Variants in ZNF676 observed in about 807,000 individuals in gnomAD.
The protein encoded by ZNF676 is zinc finger protein 676.
A neutral mutation model predicts 6.0 loss-of-function variants in ZNF676; 4 were observed. The ratio of observed to expected loss-of-function variants is 0.67; its 90% CI spans 0.33 to 1.53. The LOEUF is 1.53. Among genes scored for constraint, ZNF676 ranks in the 40% most tolerant of loss-of-function variants. ZNF676 has a pLI of 0.06. For missense variants in ZNF676, 644 were observed against 679.7 expected (o/e 0.95, Z 0.58); for synonymous variants, 198 against 223.1 (o/e 0.89, Z 1.00).
At chr19:22,233,397 A>G in the ZNF676 span, among the ~76,000 whole-genome samples, 1 of 152,078 alleles carries the variant, frequency 6.6e-6, no homozygotes. Context: ...ATACATTGTA[A>G]TCTTTGATTG....
At position 22,181,247 on chromosome 19, in the gene ZNF676, G is replaced by A. The variant is rs370343274; in HGVS notation, c.470C>T (p.Ser157Phe). 114 of 1,613,664 alleles carry A rather than the reference G, an allele frequency of 7.1e-5. No homozygotes were observed. The highest frequency in any genetic ancestry group is 8.3e-5 in the Non-Finnish European group (98 of 1,179,860). The change falls in exon 3 of 3, where the codon TCT (serine) becomes TTT (phenylalanine). Residue 157 changes from serine (S) to phenylalanine (F), a missense_variant. Transcript: ENST00000397121. ...TCTAGTATAAATTCTTTCATGTTGA[G>A]ATAGGTGTGAAAGCATGCAAAATGA... ...VRSFCMLSHLSQHERIYTREN... is the reference protein window; with the variant it reads ...VRSFCMLSHLFQHERIYTREN...
upstream of ZNF676, among the ~76,000 whole-genome samples, chr19:22,218,000 G>A (rs281194): frequency 0.38 from 57,699 of 151,932 alleles, 11,199 homozygotes; most frequent in African/African-American, 0.42. Context: ...CACCATGCCC[G>A]GCCAATGATG....
Position 22,180,636 on chromosome 19 carries a change from C to G in ZNF676, c.1081G>C (p.Gly361Arg), listed in dbSNP as rs751448887. 4 of 1,612,686 alleles carry G rather than the reference C, an allele frequency of 2.5e-6. No homozygotes were observed. In the South Asian group the frequency reaches 4.4e-5, roughly 18 times the overall value. Residue 361 changes from glycine to arginine, a missense_variant, in exon 3 of 3, where the codon GGA (glycine) becomes CGA (arginine). Gly to Arg is a moderately radical substitution (Grantham distance 125, BLOSUM62 -2). This residue lies in a region of ZNF676 where 306 missense variants were observed against 265.4 expected (regional missense o/e 1.15). Transcript: ENST00000397121. ...ILTKHKIIHTGEKPYKCEGCG... is the reference protein window; with the variant it reads ...ILTKHKIIHTREKPYKCEGCG... ...CCTTCACATTTGTAGGGTTTCTCTC[C>G]AGTATGAATAATCTTATGTTTAGTA... is the stretch of plus-strand genomic sequence containing the variant.
intron 2 of ZNF676, among the ~76,000 whole-genome samples, chr19:22,190,630 CAT>C (rs74174059): frequency 0.18 from 11,862 of 66,664 alleles, 859 homozygotes; most frequent in Non-Finnish European, 0.25. Flanking sequence ...TAGAATGCAA[CAT>C]ATATATATAT....
rs1234037205 is a variant in ZNF676, at chr19:22,181,571, A to G, written c.146T>C (p.Phe49Ser). Residue 49 changes from phenylalanine to serine, a missense_variant, in exon 3 of 3, where the codon TTT becomes TCT. Around this residue, in one of 5 missense-constraint regions of ZNF676, gnomAD observed 280 missense variants for 269.3 expected, o/e 1.04. Transcript: ENST00000397121. ...VEEPPVICSH[F>S]SQEFWPEQGI... Reference sequence around the variant, plus strand: ...TTGCTCTGGCCAAAACTCTTGGGAAAAATGAGAACATATAACTGAAAAGAA... The same window carrying G: ...TTGCTCTGGCCAAAACTCTTGGGAAGAATGAGAACATATAACTGAAAAGAA... 1 of 1,568,826 alleles carries G rather than the reference A, an allele frequency of 6.4e-7. No individual in the cohort carries two copies. The highest frequency in any genetic ancestry group is 2.3e-5 in the East Asian group (1 of 44,360).
chr19:22,217,264 G>A (rs564353936), upstream of ZNF676, among the ~76,000 whole-genome samples: 21 of 152,058 alleles, frequency 1.4e-4, no homozygotes, highest in Admixed American at 3.3e-4. Flanking sequence ...GTACAGTGGC[G>A]CGATCTCAGC....
the ZNF676 span, among the ~76,000 whole-genome samples, chr19:22,259,206 GAA>G: frequency 6.6e-6 from 1 of 152,058 alleles, no homozygotes; most frequent in East Asian, 1.9e-4. Context: ...GGGCTCAGAT[GAA>G]AGAGTCCCAT....
intron 1 of ZNF676, among the ~76,000 whole-genome samples, chr19:22,215,062 AAC>A (rs1568537422): frequency 1.3e-4 from 7 of 54,430 alleles, no homozygotes; most frequent in African/African-American, 6.7e-4. Context: ...AAAAAAAAAC[AAC>A]AAAAAACCAG....
At chr19:22,210,007 G>T (rs1275063393) in intron 1 of ZNF676, among the ~76,000 whole-genome samples, 1 of 152,138 alleles carries the variant, frequency 6.6e-6, no homozygotes, top group Admixed American at 6.6e-5. Context: ...GAAATCCTCT[G>T]CTGGCAGCTG....
chr19:22,253,153 C>A, the ZNF676 span, among the ~76,000 whole-genome samples: 2 of 151,934 alleles, frequency 1.3e-5, no homozygotes, highest in African/African-American at 4.8e-5. Context: ...TGAACCGAAT[C>A]CATGTATGAA....
chr19:22,185,361 A>C (rs377722528), intron 2 of ZNF676, among the ~76,000 whole-genome samples: 1 of 152,200 alleles, frequency 6.6e-6, no homozygotes, highest in African/African-American at 2.4e-5. Flanking sequence ...CACCATCCGA[A>C]GGTCATCAAC....
At chr19:22,187,732 C>T (rs1196429040) in intron 2 of ZNF676, among the ~76,000 whole-genome samples, 1 of 151,740 alleles carries the variant, frequency 6.6e-6, no homozygotes, top group African/African-American at 2.4e-5. Flanking sequence ...TGAGAGAATA[C>T]TATAAACGTC....
At chr19:22,251,242 C>T in the ZNF676 span, among the ~76,000 whole-genome samples, 3 of 152,064 alleles carry the variant, frequency 2.0e-5, no homozygotes, top group African/African-American at 7.2e-5. Context: ...AATAATCAGG[C>T]CAACTATAAG....
intron 2 of ZNF676, among the ~76,000 whole-genome samples, chr19:22,181,818 A>T (rs10419926): frequency 6.6e-6 from 1 of 152,018 alleles, no homozygotes; most frequent in South Asian, 2.1e-4. Flanking sequence ...ATTAAGCCCA[A>T]TGCAAAGAGC....
At position 22,180,170 on chromosome 19, in the gene ZNF676, C is replaced by A; in HGVS notation, c.1547G>T (p.Trp516Leu). The A allele has an allele frequency of 1.2e-6, 2 of 1,611,384 alleles. No homozygotes were observed. The highest frequency in any genetic ancestry group is 1.7e-6 in the Non-Finnish European group (2 of 1,179,300). ...CTTATGTTCAGTAAGGATCGAGGACCAGCTGAAGGCTTTGCCACATTCTTC... is the reference window on the plus strand; with the variant it reads ...CTTATGTTCAGTAAGGATCGAGGACAAGCTGAAGGCTTTGCCACATTCTTC... ...KCEECGKAFS[W>L]SSILTEHKII... The change falls in exon 3 of 3, where the codon TGG becomes TTG. Residue 516 changes from tryptophan to leucine, a missense_variant. By Grantham distance (61) the Trp-to-Leu change is moderately conservative. Transcript: ENST00000397121.
chr19:22,231,263 CA>C, the ZNF676 span, among the ~76,000 whole-genome samples: 1 of 151,094 alleles, frequency 6.6e-6, no homozygotes, highest in Admixed American at 6.6e-5. Context: ...AAAAGCATAT[CA>C]GTACAAAAAT....
intron 1 of ZNF676, among the ~76,000 whole-genome samples, chr19:22,208,760 A>G (rs1407514227): frequency 6.6e-6 from 1 of 152,102 alleles, no homozygotes; most frequent in Non-Finnish European, 1.5e-5. Flanking sequence ...CATGGACAAC[A>G]TGGCAAAATC....
the ZNF676 span, among the ~76,000 whole-genome samples, chr19:22,233,797 T>A: frequency 6.6e-6 from 1 of 152,126 alleles, no homozygotes; most frequent in African/African-American, 2.4e-5. Context: ...ATGACAGGGG[T>A]AGCTGGGGAA....
chr19:22,216,480 A>C (rs2024191569), upstream of ZNF676, among the ~76,000 whole-genome samples: 1 of 152,172 alleles, frequency 6.6e-6, no homozygotes. Context: ...AAAAAACAAA[A>C]CAACAAAAAA....
Sources: gnomAD v4.1 joint callset for allele counts (sites outside exome capture counted in the v4.1 genomes callset) on GRCh38, gnomAD v4.1.1 for gene constraint, gnomAD v4.1.1 regional missense constraint, MANE v1.5 for transcripts, NCBI Gene and HGNC (gene_info 2026-07-23, HGNC 2026-07-21) for gene names.